Variants in ASAH1 observed in about 807,000 individuals in gnomAD.
ASAH1 encodes the protein N-acylsphingosine amidohydrolase 1, also known as acid ceramidase.
ASAH1 carries 70 observed loss-of-function variants against 59.5 expected under a neutral mutation model. The ratio of observed to expected loss-of-function variants is 1.18; its 90% confidence interval spans 0.97 to 1.43. The LOEUF is 1.43. ASAH1 is among the 40% of genes most tolerant of loss of function. ASAH1 has a pLI of 0.00. For synonymous variants in ASAH1, 213 were observed against 166.5 expected, an observed-to-expected ratio of 1.28 and a Z score of -2.15; for missense variants, 660 against 482.5, an observed-to-expected ratio of 1.37 and a Z score of -3.45.
upstream of ASAH1, chr8:18,084,824 A>C (rs1217745792): frequency 2.5e-6 from 4 of 1,611,520 alleles, no homozygotes; most frequent in Admixed American, 3.3e-5. Context: ...TTTCCTCCTA[A>C]CTGGCGAAGG....
In ASAH1 at chr8:18,064,531, C is replaced by G; in HGVS notation, c.383G>C (p.Gly128Ala). 2 of 1,517,480 alleles carry G rather than the reference C, an allele frequency of 1.3e-6. No homozygotes were observed. The highest frequency in any genetic ancestry group is 1.8e-6 in the Non-Finnish European group (2 of 1,100,286). The allele number at this position is 1,517,480 out of a possible 1,614,324, so 94.0% of individuals were successfully genotyped here. Residue 128 changes from glycine (G) to alanine (A), a missense_variant and splice_region_variant, in exon 6 of 14, where the codon GGA (glycine) becomes GCA (alanine). Physicochemically the swap from Gly to Ala is moderately conservative, Grantham distance 60 (BLOSUM62 0). Coordinates refer to ENST00000637790, the MANE Select transcript of ASAH1 (RefSeq NM_177924.5). ...AAAAATATTGAATGAAATAATCTCT[C>G]CTATGAGAAAAGAAAATTTTGTGTT... Reference protein sequence around the residue: ...GIAAVTDIPLGEIISFNIFYE... With the variant: ...GIAAVTDIPLAEIISFNIFYE...
At chr8:18,058,419 C>T (rs11996464) in intron 13 of ASAH1, 18,561 of 166,554 alleles carry the variant, frequency 0.11, 3,668 homozygotes, top group African/African-American at 0.41. Context: ...TTTAAAACTA[C>T]AGTGTAGGGA....
chr8:18,058,849 G>A lies in ASAH1; in HGVS notation c.1084C>T (p.Pro362Ser). 1 of 1,612,332 alleles carries A rather than the reference G, an allele frequency of 6.2e-7. No individual in the cohort carries two copies. Among genetic ancestry groups the A allele is most frequent in the Non-Finnish European group, 8.5e-7 (1 of 1,178,348 alleles). The change falls in exon 13 of 14, where the codon CCT becomes TCT. Residue 362 changes from proline to serine, a missense_variant. Coordinates refer to ENST00000637790, the MANE Select transcript of ASAH1 (RefSeq NM_177924.5). ...ETMYDVLSTK[P>S]VLNKLTVYTT... ...ATTTAAAATACCTTGTTGAGGACAGGTTTTGTTGACAGGACATCATACATG... is the reference window on the plus strand; with the variant it reads ...ATTTAAAATACCTTGTTGAGGACAGATTTTGTTGACAGGACATCATACATG...
intron 1 of ASAH1, 133 bp from the exon 2 acceptor site, chr8:18,075,720 TA>T: frequency 2.6e-6 from 2 of 764,604 alleles, no homozygotes; most frequent in South Asian, 1.6e-5. Flanking sequence ...CAATGCCTCT[TA>T]AAATAAGTCT....
chr8:18,070,809 T>C (rs1441245967), intron 3 of ASAH1, among the ~76,000 whole-genome samples: 1 of 152,194 alleles, frequency 6.6e-6, no homozygotes, highest in East Asian at 1.9e-4. Flanking sequence ...CTGTGGGTAA[T>C]TTCATGAAGT....
chr8:18,076,862 T>C (rs567425066), intron 1 of ASAH1, among the ~76,000 whole-genome samples: 1 of 152,360 alleles, frequency 6.6e-6, no homozygotes, highest in East Asian at 1.9e-4. Flanking sequence ...TAGGTTGACA[T>C]TACCTGTGAT....
intron 3 of ASAH1, among the ~76,000 whole-genome samples, chr8:18,070,880 C>A (rs1056631876): frequency 2.6e-5 from 4 of 152,114 alleles, no homozygotes; most frequent in African/African-American, 9.7e-5. Flanking sequence ...AATATAGAAT[C>A]TCCACGGTCC....
intron 5 of ASAH1, 35 bp from the exon 6 acceptor site, chr8:18,064,566 A>G: frequency 8.3e-7 from 1 of 1,199,590 alleles, no homozygotes; most frequent in Non-Finnish European, 1.2e-6. Context: ...TAATATACAG[A>G]ACCATGACAA....
chr8:18,073,777 T>C (rs1293459243), intron 2 of ASAH1, among the ~76,000 whole-genome samples: 1 of 152,178 alleles, frequency 6.6e-6, no homozygotes, highest in Non-Finnish European at 1.5e-5. Flanking sequence ...ATACCACAGT[T>C]ATCTCCTAAA....
chr8:18,080,669 C>T (rs575988899), intron 1 of ASAH1, among the ~76,000 whole-genome samples: 10 of 152,216 alleles, frequency 6.6e-5, no homozygotes, highest in South Asian at 4.1e-4. Flanking sequence ...GCAATTCTCC[C>T]GCCTCAGCCT....
At chr8:18,061,275 T>C (rs548835181) in intron 10 of ASAH1, 102 bp downstream of exon 10, 178 of 1,033,868 alleles carry the variant, frequency 1.7e-4, no homozygotes, top group African/African-American at 1.3e-4. Flanking sequence ...AATTCTGCAA[T>C]AGTTCCTCAA....
chr8:18,062,124 C>A (rs983875860), intron 8 of ASAH1, 155 bp downstream of exon 8: 1 of 989,084 alleles, frequency 1.0e-6, no homozygotes, highest in Non-Finnish European at 1.5e-6. Flanking sequence ...TTCTCTACCA[C>A]GAGATCTCAT....
chr8:18,069,924 G>A, intron 3 of ASAH1, 46 bp from the exon 4 acceptor site: 2 of 1,361,520 alleles, frequency 1.5e-6, no homozygotes, highest in Non-Finnish European at 2.1e-6. Flanking sequence ...ATGAAATGCT[G>A]TCAAGATTAC....
rs1267356970 is a variant in ASAH1, at chr8:18,071,294, G to C, written c.216+6C>G. ...AGAAATAAAAGATTTAAGCATCATAGCATACCACTGGTGCCTTGTCAAGCA... is the reference window on the plus strand; with the variant it reads ...AGAAATAAAAGATTTAAGCATCATACCATACCACTGGTGCCTTGTCAAGCA... On this transcript the variant is annotated splice_donor_region_variant and intron_variant, in intron 3 of 13. Coordinates refer to ENST00000637790, the MANE Select transcript of ASAH1 (RefSeq NM_177924.5). 3 of 1,518,932 alleles carry C rather than the reference G, an allele frequency of 2.0e-6. No individual in the cohort carries two copies. The highest frequency in any genetic ancestry group is 1.4e-5 in the African/African-American group (1 of 73,214). 94.1% of individuals were successfully genotyped at this position (1,518,932 alleles called of 1,614,324 possible).
chr8:18,075,812 G>A (rs754416053), intron 1 of ASAH1: 20 of 568,148 alleles, frequency 3.5e-5, no homozygotes, highest in Non-Finnish European at 4.7e-5. Flanking sequence ...AGTGCTAGGT[G>A]TTATAATTTG....
chr8:18,058,819 A>T lies in ASAH1; in HGVS notation c.1098+16T>A. 1 of 1,599,010 alleles carries T rather than the reference A, an allele frequency of 6.3e-7. No homozygotes were observed. The highest frequency in any genetic ancestry group is 8.6e-7 in the Non-Finnish European group (1 of 1,166,232). The stretch of plus-strand genomic sequence containing the variant: ...CTTTCCCTAAAAGGCAAATATACAT[A>T]TAACATTTAAAATACCTTGTTGAGG... On this transcript the variant is annotated intron_variant, in intron 13 of 13. Transcript: ENST00000637790.
intron 2 of ASAH1, among the ~76,000 whole-genome samples, chr8:18,072,087 C>G (rs2117065294): frequency 6.6e-6 from 1 of 152,306 alleles, no homozygotes; most frequent in South Asian, 2.1e-4. Flanking sequence ...TGAAGCTGGG[C>G]CATATTTCTG....
intron 13 of ASAH1, 106 bp downstream of exon 13, chr8:18,058,729 G>T: frequency 1.9e-6 from 2 of 1,044,998 alleles, no homozygotes; most frequent in East Asian, 2.4e-5. Context: ...GTCCTAAGCT[G>T]AACACACCTT....
At chr8:18,073,732 A>C (rs1448555194) in intron 2 of ASAH1, among the ~76,000 whole-genome samples, 1 of 152,224 alleles carries the variant, frequency 6.6e-6, no homozygotes, top group Non-Finnish European at 1.5e-5. Context: ...ATCTCAAAGG[A>C]ACAGAACGTC....
Sources: allele counts gnomAD v4.1 joint callset (sites outside exome capture counted in the v4.1 genomes callset), GRCh38; gene constraint gnomAD v4.1.1; transcripts MANE v1.5; gene names NCBI Gene and HGNC (gene_info 2026-07-23, HGNC 2026-07-21).